SV2C: variants seen among roughly 807,000 people sequenced by gnomAD.
The protein encoded by SV2C is solute carrier family 22 member B3.
Under a neutral mutation model 79.7 loss-of-function variants are expected in SV2C, and 49 were observed. The observed-to-expected ratio is 0.61, with a 90% CI of 0.49 to 0.78. The LOEUF (loss-of-function observed/expected upper bound fraction) is 0.78, where lower values mean the gene tolerates loss of function less well. Ranked by LOEUF, SV2C falls within the 30% of genes least tolerant of loss-of-function variation. The pLI is 0.00. For missense variants in SV2C, 833 were observed against 912.9 expected (o/e 0.91, Z 1.13); for synonymous variants, 334 against 333.2 (o/e 1.00, Z -0.03).
the SV2C span, among the ~76,000 whole-genome samples, chr5:76,053,673 T>C: frequency 6.6e-6 from 1 of 152,180 alleles, no homozygotes; most frequent in African/African-American, 2.4e-5. Flanking sequence ...TTGGTTTGGA[T>C]TTTAGGCAAC....
At chr5:76,042,363 T>C in the SV2C span, among the ~76,000 whole-genome samples, 2 of 152,200 alleles carry the variant, frequency 1.3e-5, no homozygotes, top group Non-Finnish European at 2.9e-5. Context: ...AAATGAACAA[T>C]ACTCACTCTG....
At chr5:76,206,626 C>T (rs572224298) in intron 3 of SV2C, among the ~76,000 whole-genome samples, 1 of 152,216 alleles carries the variant, frequency 6.6e-6, no homozygotes, top group Admixed American at 6.5e-5. Flanking sequence ...CCAACTACAA[C>T]ATTGAAGAGT....
chr5:76,159,668 A>G (rs1481494062), intron 2 of SV2C, among the ~76,000 whole-genome samples: 1 of 152,144 alleles, frequency 6.6e-6, no homozygotes, highest in Non-Finnish European at 1.5e-5. Context: ...CCATCATCAT[A>G]TGACTGTCTT....
At chr5:76,223,444 C>CATATATATATATATAT (rs70979384) in intron 4 of SV2C, among the ~76,000 whole-genome samples, 8 of 45,774 alleles carry the variant, frequency 1.7e-4, no homozygotes, top group East Asian at 8.4e-4. Context: ...TACATACATA[C>CATATATATATATATAT]ATATATATAT....
chr5:76,044,597 G>T, the SV2C span, among the ~76,000 whole-genome samples: 2 of 152,062 alleles, frequency 1.3e-5, no homozygotes, highest in African/African-American at 4.8e-5. Flanking sequence ...TTTAATGATT[G>T]CCATTCTAAC....
the SV2C span, among the ~76,000 whole-genome samples, chr5:75,932,982 C>T: frequency 1.3e-5 from 2 of 152,166 alleles, no homozygotes; most frequent in East Asian, 1.9e-4. Flanking sequence ...CTGGCTCCAT[C>T]CTGTGTCACT....
chr5:76,056,132 G>A, the SV2C span, among the ~76,000 whole-genome samples: 2 of 152,130 alleles, frequency 1.3e-5, no homozygotes, highest in Non-Finnish European at 2.9e-5. Flanking sequence ...CTATGGGTTT[G>A]TCAAAAATAA....
At chr5:76,337,651 C>T (rs1359913898), downstream of SV2C, among the ~76,000 whole-genome samples, 1 of 152,126 alleles carries the variant, frequency 6.6e-6, no homozygotes, top group Non-Finnish European at 1.5e-5. Context: ...CCTGTGCATG[C>T]TGTTCATTCA....
intron 12 of SV2C, among the ~76,000 whole-genome samples, chr5:76,339,581 G>A (rs1353371061): frequency 2.0e-5 from 3 of 152,030 alleles, no homozygotes; most frequent in Non-Finnish European, 2.9e-5. Flanking sequence ...GGGTGTGGTG[G>A]TGGGCACCTG....
the SV2C span, among the ~76,000 whole-genome samples, chr5:76,064,823 AT>A: frequency 6.6e-6 from 1 of 152,142 alleles, no homozygotes; most frequent in Non-Finnish European, 1.5e-5. Flanking sequence ...AACTGCTAAT[AT>A]TTTTTCTATT....
chr5:75,880,188 CTT>C, the SV2C span, among the ~76,000 whole-genome samples: 87 of 146,814 alleles, frequency 5.9e-4, no homozygotes, highest in African/African-American at 2.1e-3. Context: ...CCTTCAATGC[CTT>C]TTTTTTTTTC....
At chr5:76,141,502 A>G (rs115005784) in intron 2 of SV2C, among the ~76,000 whole-genome samples, 1,593 of 152,140 alleles carry the variant, frequency 0.01, 16 homozygotes, top group Non-Finnish European at 0.013. Flanking sequence ...CAGGTTGGAG[A>G]ATTTGTTCAT....
At chr5:76,278,210 A>G (rs1747081000) in intron 4 of SV2C, among the ~76,000 whole-genome samples, 1 of 151,964 alleles carries the variant, frequency 6.6e-6, no homozygotes, top group East Asian at 1.9e-4. Flanking sequence ...TTAAAAGAAC[A>G]CTTCCTATGG....
chr5:76,138,983 G>C (rs1749161663), intron 2 of SV2C, among the ~76,000 whole-genome samples: 3 of 152,126 alleles, frequency 2.0e-5, no homozygotes. Context: ...GTCGGGTGTG[G>C]TAGCGGGTGC....
At position 76,131,889 on chromosome 5, in the gene SV2C, A is replaced by C; in HGVS notation, c.139A>C (p.Ser47Arg). ...GGATGAATACACCCAGAGGTCCTAC[A>C]GTCGGTTCCAAGATGAAGAAGATGA... ...AQDEYTQRSY[S>R]RFQDEEDDDD... Residue 47 changes from serine to arginine, a missense_variant, in exon 2 of 13, where the codon AGT (serine) becomes CGT (arginine). By Grantham distance (110) the Ser-to-Arg change is moderately radical (BLOSUM62 -1). Transcript: ENST00000502798. 6.2e-7 allele frequency: 1 copy of C among 1,614,130 alleles called. No homozygotes were observed.
At chr5:75,888,725 A>G in the SV2C span, among the ~76,000 whole-genome samples, 1 of 152,110 alleles carries the variant, frequency 6.6e-6, no homozygotes, top group East Asian at 1.9e-4. Flanking sequence ...GTGGCTTAGC[A>G]TAATTTGTAA....
the SV2C span, among the ~76,000 whole-genome samples, chr5:76,019,477 G>A: frequency 2.3e-3 from 351 of 152,294 alleles, 1 homozygote; most frequent in African/African-American, 8.2e-3. Context: ...TACGTTCAGT[G>A]AAGAAGAGGT....
chr5:75,935,458 GCA>G, the SV2C span, among the ~76,000 whole-genome samples: 1 of 151,978 alleles, frequency 6.6e-6, no homozygotes, highest in African/African-American at 2.4e-5. Context: ...ATAGTCACAC[GCA>G]CAGTGATTTT....
chr5:75,992,812 TA>T, the SV2C span, among the ~76,000 whole-genome samples: 1 of 152,054 alleles, frequency 6.6e-6, no homozygotes, highest in Non-Finnish European at 1.5e-5. Flanking sequence ...AATTATAGAA[TA>T]GGGGCAGTGA....
Sources: gnomAD v4.1 joint callset for allele counts (sites outside exome capture counted in the v4.1 genomes callset) on GRCh38, gnomAD v4.1.1 for gene constraint, MANE v1.5 for transcripts, NCBI Gene and HGNC (gene_info 2026-07-23, HGNC 2026-07-21) for gene names.